CFHR5: variants seen among roughly 807,000 people sequenced by gnomAD.
The protein encoded by CFHR5 is complement factor H-related protein 5.
Under a neutral mutation model 62.9 loss-of-function variants are expected in CFHR5, and 73 were observed. The ratio of observed to expected loss-of-function variants is 1.16; its 90% CI spans 0.96 to 1.41. The LOEUF (loss-of-function observed/expected upper bound fraction) is 1.41, where lower values mean the gene tolerates loss of function less well. CFHR5 is among the 40% of genes most tolerant of loss of function. CFHR5 has a pLI of 0.00. For synonymous variants in CFHR5, 249 were observed against 227.2 expected (o/e 1.10, Z -0.86); for missense variants, 779 against 679.9 (o/e 1.15, Z -1.62).
rs144872713 is a variant in CFHR5, at chr1:196,985,160, G to A, written c.430+1023G>A. On this transcript the variant is annotated intron_variant, in intron 3 of 9. Transcript: ENST00000256785. ...ATCTGTGGTAGGTTTTTCAAAAGAT[G>A]TTATGTTATCAAATATTATTCCACA... Among the ~76,000 whole-genome samples the A allele has an allele frequency of 4.4e-3, 670 of 152,108 alleles. 8 individuals are homozygous for A. The highest frequency in any genetic ancestry group is 0.014 in the African/African-American group (584 of 41,500).
intron 2 of CFHR5, 56 bp from the exon 3 acceptor site, chr1:196,983,905 A>T: frequency 1.6e-6 from 2 of 1,233,340 alleles, no homozygotes; most frequent in South Asian, 1.3e-5. Flanking sequence ...AAATATTTTT[A>T]AATGCACTTT....
chr1:196,986,463 G>A (rs909424379), intron 3 of CFHR5, among the ~76,000 whole-genome samples: 2 of 151,904 alleles, frequency 1.3e-5, no homozygotes, highest in African/African-American at 4.8e-5. Context: ...TTGGTTTGCT[G>A]CACCCATTAA....
At chr1:196,989,296 T>C (rs1283415305) in intron 3 of CFHR5, among the ~76,000 whole-genome samples, 2 of 152,126 alleles carry the variant, frequency 1.3e-5, no homozygotes, top group Non-Finnish European at 2.9e-5. Context: ...GTCTGTCTAT[T>C]TTGTTAATCT....
At chr1:196,988,617 A>G (rs1405484953) in intron 3 of CFHR5, among the ~76,000 whole-genome samples, 4 of 152,090 alleles carry the variant, frequency 2.6e-5, no homozygotes, top group East Asian at 1.9e-4. Flanking sequence ...TTCTGCATCT[A>G]TTGAGATAAT....
Position 196,998,266 on chromosome 1 carries a change from G to A in CFHR5, c.1109G>A (p.Cys370Tyr). 2 of 1,611,506 alleles carry A rather than the reference G, an allele frequency of 1.2e-6. No individual in the cohort carries two copies. The highest frequency in any genetic ancestry group is 1.7e-6 in the Non-Finnish European group (2 of 1,178,552). Residue 370 changes from cysteine to tyrosine, a missense_variant, in exon 7 of 10, where the codon TGT (cysteine) becomes TAT (tyrosine). Coordinates refer to ENST00000256785, the MANE Select transcript of CFHR5 (RefSeq NM_030787.4). ...ATCTTCAGATACAGGCACTCAGTCT[G>A]TATAAACGGGAAATGGAATCCTGAA... ...SDIFRYRHSV[C>Y]INGKWNPEVD...
chr1:196,976,880 C>T (rs993718514), upstream of CFHR5, among the ~76,000 whole-genome samples: 2 of 148,466 alleles, frequency 1.3e-5, no homozygotes, highest in Admixed American at 6.8e-5. Flanking sequence ...TCTCCACTCA[C>T]GGCAAGCTCT....
intron 3 of CFHR5, among the ~76,000 whole-genome samples, chr1:196,993,357 C>T (rs571450088): frequency 2.0e-5 from 3 of 152,114 alleles, no homozygotes; most frequent in East Asian, 3.9e-4. Flanking sequence ...TGTAGTGGTG[C>T]GATCTCGGCT....
intron 1 of CFHR5, among the ~76,000 whole-genome samples, chr1:196,982,438 G>A (rs918490298): frequency 3.3e-5 from 5 of 152,138 alleles, no homozygotes; most frequent in Admixed American, 1.3e-4. Flanking sequence ...TTGGGAGGCC[G>A]AGGCGCATGG....
At chr1:196,979,252 T>TTG (rs1304002381) in intron 1 of CFHR5, among the ~76,000 whole-genome samples, 25 of 101,008 alleles carry the variant, frequency 2.5e-4, no homozygotes, top group African/African-American at 1.2e-3. Flanking sequence ...ATATAGGTAA[T>TTG]TGTCTGTGTG....
chr1:196,977,533 C>T (rs1022204845), upstream of CFHR5: 2 of 787,062 alleles, frequency 2.5e-6, no homozygotes, highest in East Asian at 5.1e-5. Context: ...CCACAAAGGG[C>T]TTTACTAAAC....
chr1:197,001,407 A>G (rs371070846), intron 7 of CFHR5, among the ~76,000 whole-genome samples: 1 of 152,248 alleles, frequency 6.6e-6, no homozygotes, highest in East Asian at 1.9e-4. Flanking sequence ...GATCTGTTGT[A>G]TATAATTATT....
At chr1:197,002,931 A>G (rs1205141631) in intron 8 of CFHR5, among the ~76,000 whole-genome samples, 1 of 152,154 alleles carries the variant, frequency 6.6e-6, no homozygotes, top group Non-Finnish European at 1.5e-5. Flanking sequence ...CTATGTTTAA[A>G]TATGTTTAGA....
At chr1:197,008,181 G>A (rs1415880492) in intron 9 of CFHR5, among the ~76,000 whole-genome samples, 2 of 151,084 alleles carry the variant, frequency 1.3e-5, no homozygotes, top group Non-Finnish European at 3.0e-5. Flanking sequence ...AGAATTTTTA[G>A]TAAAGTATAG....
At chr1:196,998,069 T>A (rs1351459137) in intron 6 of CFHR5, 59 bp from the exon 7 acceptor site, 2 of 1,031,346 alleles carry the variant, frequency 1.9e-6, no homozygotes, top group African/African-American at 1.6e-5. Flanking sequence ...ATGCTATTAA[T>A]ATTGCAGATA....
At chr1:196,984,158 T>C in intron 3 of CFHR5, 21 bp downstream of exon 3, 1 of 1,598,672 alleles carries the variant, frequency 6.3e-7, no homozygotes, top group Non-Finnish European at 8.6e-7. Context: ...TACCACTCTC[T>C]CAGTTTTGCT....
chr1:197,004,985 A>G (rs1654250516), intron 9 of CFHR5, 142 bp downstream of exon 9: 2 of 703,116 alleles, frequency 2.8e-6, no homozygotes, highest in Non-Finnish European at 4.7e-6. Flanking sequence ...ACAAGGAAAC[A>G]TTTGAAAAAT....
chr1:196,988,507 T>G (rs1469084061), intron 3 of CFHR5, among the ~76,000 whole-genome samples: 1 of 152,160 alleles, frequency 6.6e-6, no homozygotes, highest in Non-Finnish European at 1.5e-5. Context: ...GCTGTGGGTT[T>G]GTCATGAGTA....
chr1:196,994,881 T>A (rs1234544551), intron 4 of CFHR5, among the ~76,000 whole-genome samples: 1 of 152,058 alleles, frequency 6.6e-6, no homozygotes, highest in Non-Finnish European at 1.5e-5. Context: ...AGAGAGTTTG[T>A]GCAGGGAAAC....
intron 6 of CFHR5, among the ~76,000 whole-genome samples, chr1:196,997,871 A>G (rs1654036011): frequency 6.6e-6 from 1 of 152,090 alleles, no homozygotes; most frequent in Non-Finnish European, 1.5e-5. Context: ...TTTCAGTCAA[A>G]ACTCCCACTA....
Sources: gnomAD v4.1 joint callset for allele counts (sites outside exome capture counted in the v4.1 genomes callset) on GRCh38, gnomAD v4.1.1 for gene constraint, MANE v1.5 for transcripts, NCBI Gene and HGNC (gene_info 2026-07-23, HGNC 2026-07-21) for gene names.